ENTPD6: variants seen among roughly 807,000 people sequenced by gnomAD.
ENTPD6 encodes the protein CD39 antigen-like 2.
In ENTPD6, 46 loss-of-function variants were observed where a neutral mutation model predicts 61.5. That is an observed-to-expected ratio of 0.75 (90% CI 0.59 to 0.96). The LOEUF (loss-of-function observed/expected upper bound fraction) is 0.96, where lower values mean the gene tolerates loss of function less well. ENTPD6 is among the 40% of genes least tolerant of loss of function. The probability of loss-of-function intolerance (pLI) is 0.00; values close to 1 mark genes in which losing one functional copy is unlikely to be tolerated. For missense variants in ENTPD6, 612 were observed against 629.0 expected (o/e 0.97, Z 0.29); for synonymous variants, 252 against 255.5 (o/e 0.99, Z 0.13).
At chr20:25,220,921 A>G (rs941458798) in intron 10 of ENTPD6, among the ~76,000 whole-genome samples, 1 of 152,242 alleles carries the variant, frequency 6.6e-6, no homozygotes, top group Admixed American at 6.5e-5. Flanking sequence ...AGTCACCTAT[A>G]AAACTGGGTA....
At chr20:25,219,379 G>C (rs975650960) in intron 10 of ENTPD6, among the ~76,000 whole-genome samples, 1 of 152,176 alleles carries the variant, frequency 6.6e-6, no homozygotes, top group Non-Finnish European at 1.5e-5. Context: ...TTTCTCTCTC[G>C]CTCATGATTC....
At chr20:25,217,448 G>A in intron 8 of ENTPD6, 54 bp from the exon 9 acceptor site, 1 of 1,526,618 alleles carries the variant, frequency 6.6e-7, no homozygotes, top group Non-Finnish European at 9.1e-7. Flanking sequence ...GTGGGTGGAG[G>A]AGAATTTTCT....
At chr20:25,214,553 C>T (rs533520718) in intron 5 of ENTPD6, 6 of 319,110 alleles carry the variant, frequency 1.9e-5, no homozygotes, top group African/African-American at 1.1e-4. Context: ...TGGGCCTCAA[C>T]GAGCCCGGGC....
At chr20:25,213,220 G>A in intron 4 of ENTPD6, 43 bp from the exon 5 acceptor site, 2 of 1,613,612 alleles carry the variant, frequency 1.2e-6, no homozygotes, top group Non-Finnish European at 1.7e-6. Flanking sequence ...GACCCTGTAT[G>A]CTGCACTTGA....
chr20:25,213,236 C>T (rs2092098172), intron 4 of ENTPD6, 27 bp from the exon 5 acceptor site: 3 of 1,614,064 alleles, frequency 1.9e-6, no homozygotes, highest in Non-Finnish European at 2.5e-6. Flanking sequence ...CTTGACAGAC[C>T]CTGCTTTGCT....
chr20:25,203,962 G>A (rs376637950), intron 1 of ENTPD6, among the ~76,000 whole-genome samples: 5 of 152,216 alleles, frequency 3.3e-5, no homozygotes, highest in African/African-American at 1.2e-4. Context: ...AGTTTCCTCT[G>A]GTTTCTTCTG....
chr20:25,202,087 A>G (rs575745724), intron 1 of ENTPD6, among the ~76,000 whole-genome samples: 13 of 152,350 alleles, frequency 8.5e-5, no homozygotes, highest in African/African-American at 2.9e-4. Flanking sequence ...AGAAAATGTT[A>G]TTATAATAAG....
chr20:25,216,328 G>A (rs959839498), intron 7 of ENTPD6, among the ~76,000 whole-genome samples: 8 of 152,204 alleles, frequency 5.3e-5, no homozygotes, highest in African/African-American at 1.7e-4. Flanking sequence ...GCTCTGGGGA[G>A]TGGAGATGGG....
In ENTPD6 at chr20:25,221,273, A is replaced by G; in HGVS notation, c.985A>G (p.Ser329Gly). 2.5e-6 allele frequency: 4 copies of G among 1,614,138 alleles called. No individual in the cohort carries two copies. Among genetic ancestry groups the G allele is most frequent in the Non-Finnish European group, 3.4e-6 (4 of 1,180,004 alleles). Residue 329 changes from serine to glycine, a missense_variant, in exon 11 of 15, where the codon AGT becomes GGT. By Grantham distance (56) the Ser-to-Gly change is moderately conservative. Coordinates refer to ENST00000376652, the MANE Select transcript of ENTPD6 (RefSeq NM_001247.5). Reference protein sequence around the residue: ...KELVSPCLSPSFKGEWEHAEV... With the variant: ...KELVSPCLSPGFKGEWEHAEV... ...GTTGGTCAGCCCTTGCTTGTCTCCC[A>G]GTTTCAAAGGAGAGTGGGAACACGC...
chr20:25,197,722 T>G (rs1318707203), intron 1 of ENTPD6, among the ~76,000 whole-genome samples: 1 of 152,244 alleles, frequency 6.6e-6, no homozygotes, highest in East Asian at 1.9e-4. Context: ...CTTCCCACCC[T>G]TGTGCAAGAG....
At chr20:25,208,374 A>G (rs920479198) in intron 3 of ENTPD6, among the ~76,000 whole-genome samples, 4 of 152,226 alleles carry the variant, frequency 2.6e-5, no homozygotes, top group African/African-American at 9.6e-5. Flanking sequence ...TGAACCTGGT[A>G]GGCGGAGTTT....
intron 3 of ENTPD6, among the ~76,000 whole-genome samples, chr20:25,209,286 A>G (rs958662027): frequency 2.8e-4 from 43 of 151,374 alleles, no homozygotes; most frequent in African/African-American, 1.0e-3. Flanking sequence ...GTTTTTTTGT[A>G]TTTTTAGTAG....
chr20:25,216,559 C>T (rs2092322190), intron 7 of ENTPD6, 89 bp from the exon 8 acceptor site: 2 of 890,246 alleles, frequency 2.2e-6, no homozygotes, highest in Admixed American at 2.1e-5. Context: ...CTTTTCTTTC[C>T]CCTGAGGGCC....
chr20:25,221,195 A>AC, intron 10 of ENTPD6, 37 bp from the exon 11 acceptor site: 1 of 1,545,576 alleles, frequency 6.5e-7, no homozygotes, highest in Non-Finnish European at 8.9e-7. Flanking sequence ...GCGGTGATAT[A>AC]CCTTCCTTTC....
In ENTPD6 at chr20:25,220,165, C is replaced by T. The variant is rs961314924; in HGVS notation, c.944-1067C>T. Among the ~76,000 whole-genome samples, 4 of 152,118 alleles carry T rather than the reference C, an allele frequency of 2.6e-5. No homozygotes were observed. In the East Asian group the frequency reaches 5.8e-4, roughly 22 times the overall value. ...GGAGAATGAGTCTCTGTTTTGTTAC[C>T]GGTTATTGCGTAACAGACCCCCCAA... On this transcript the variant is annotated intron_variant, in intron 10 of 14. Transcript: ENST00000376652.
At chr20:25,205,622 G>C (rs1430304550) in intron 1 of ENTPD6, among the ~76,000 whole-genome samples, 1 of 152,220 alleles carries the variant, frequency 6.6e-6, no homozygotes, top group Non-Finnish European at 1.5e-5. Flanking sequence ...TAGGGCTGGG[G>C]AGGGGCTGCA....
chr20:25,208,164 A>T (rs1167330327), intron 3 of ENTPD6, among the ~76,000 whole-genome samples: 1 of 152,170 alleles, frequency 6.6e-6, no homozygotes, highest in African/African-American at 2.4e-5. Flanking sequence ...CTGGCATTGC[A>T]CGGTTCTGCT....
intron 11 of ENTPD6, chr20:25,221,990 C>G (rs866878026): frequency 6.4e-5 from 10 of 155,900 alleles, no homozygotes; most frequent in African/African-American, 1.4e-4. Context: ...AGAGAAATAA[C>G]ACGGGGCGGG....
chr20:25,199,759 A>G (rs1311416970), intron 1 of ENTPD6, among the ~76,000 whole-genome samples: 1 of 152,164 alleles, frequency 6.6e-6, no homozygotes, highest in South Asian at 2.1e-4. Flanking sequence ...GGCTTATTTC[A>G]CTTAGTGAAA....
Sources: gnomAD v4.1 joint callset for allele counts (sites outside exome capture counted in the v4.1 genomes callset) on GRCh38, gnomAD v4.1.1 for gene constraint, MANE v1.5 for transcripts, NCBI Gene and HGNC (gene_info 2026-07-23, HGNC 2026-07-21) for gene names.